TENM2: variants seen among roughly 807,000 people sequenced by gnomAD.
The protein encoded by TENM2 is teneurin transmembrane protein 2, also known as teneurin-2.
Under a neutral mutation model 245.2 loss-of-function variants are expected in TENM2, and 52 were observed. The observed-to-expected ratio is 0.21, with a 90% CI of 0.17 to 0.27. TENM2 has a LOEUF of 0.27. Among genes scored for constraint, TENM2 ranks in the 10% least tolerant of loss-of-function variants. The pLI, the probability that TENM2 is intolerant of heterozygous loss-of-function variation, is 1.00. For missense variants in TENM2, 3,046 were observed against 3,666.8 expected (o/e 0.83, Z 4.37); for synonymous variants, 1,363 against 1,438.9 (o/e 0.95, Z 1.19).
intron 9 of TENM2, among the ~76,000 whole-genome samples, chr5:168,098,546 G>A (rs1793550426): frequency 6.6e-6 from 1 of 152,122 alleles, no homozygotes; most frequent in Non-Finnish European, 1.5e-5. Context: ...TATCTTGGTG[G>A]AATCGGTTTT....
At chr5:167,561,765 C>A (rs937277886) in intron 2 of TENM2, among the ~76,000 whole-genome samples, 1 of 152,048 alleles carries the variant, frequency 6.6e-6, no homozygotes, top group East Asian at 1.9e-4. Context: ...GCAAGTGAGA[C>A]CACATTTACA....
chr5:167,692,368 A>T (rs1757488932), intron 2 of TENM2, among the ~76,000 whole-genome samples: 1 of 152,196 alleles, frequency 6.6e-6, no homozygotes, highest in Non-Finnish European at 1.5e-5. Context: ...TTTATTGGAA[A>T]CACAGTTTCC....
chr5:167,657,263 C>T (rs911062698), intron 2 of TENM2, among the ~76,000 whole-genome samples: 9 of 152,218 alleles, frequency 5.9e-5, no homozygotes, highest in Non-Finnish European at 1.0e-4. Context: ...TTATTTCACT[C>T]AAGATAATAT....
intron 1 of TENM2, among the ~76,000 whole-genome samples, chr5:167,363,981 G>C (rs1324409534): frequency 2.6e-5 from 4 of 151,944 alleles, no homozygotes; most frequent in Non-Finnish European, 5.9e-5. Flanking sequence ...CAGTGAATAT[G>C]AGTTCAAGCA....
intron 2 of TENM2, among the ~76,000 whole-genome samples, chr5:167,667,658 C>T (rs1053768314): frequency 6.6e-6 from 1 of 152,200 alleles, no homozygotes; most frequent in Non-Finnish European, 1.5e-5. Flanking sequence ...AGCAGACAAA[C>T]AGTATCTGCC....
intron 2 of TENM2, among the ~76,000 whole-genome samples, chr5:167,872,346 G>GAA (rs1189583223): frequency 5.1e-5 from 4 of 77,776 alleles, no homozygotes; most frequent in Non-Finnish European, 1.2e-4. Flanking sequence ...AAGAAAGAAA[G>GAA]AAAGAAAGGA....
In TENM2 at chr5:167,839,079, G is replaced by A. The variant is rs541028671; in HGVS notation, c.503-36907G>A. ...AAGCACACTCAATGAGTGTTGATAA[G>A]TATTGTCATTGTTATGATTAAAACT... On this transcript the variant is annotated intron_variant, in intron 2 of 28. Coordinates refer to ENST00000518659, the Ensembl canonical transcript of TENM2. Among the ~76,000 whole-genome samples, 4 of 152,312 alleles carry A rather than the reference G, an allele frequency of 2.6e-5. No homozygotes were observed. In the South Asian group the frequency reaches 6.2e-4, roughly 24 times the overall value.
the TENM2 span, among the ~76,000 whole-genome samples, chr5:167,032,181 A>G: frequency 6.6e-6 from 1 of 152,324 alleles, no homozygotes; most frequent in Admixed American, 6.5e-5. Context: ...GAATTTTATG[A>G]GCTTTCGTAG....
intron 2 of TENM2, among the ~76,000 whole-genome samples, chr5:167,875,078 A>G (rs183220602): frequency 8.9e-4 from 136 of 152,306 alleles, no homozygotes; most frequent in African/African-American, 2.8e-3. Context: ...TTAGGAAGGC[A>G]TTGGTGATGC....
At chr5:167,184,467 TG>T in the TENM2 span, among the ~76,000 whole-genome samples, 1 of 152,170 alleles carries the variant, frequency 6.6e-6, no homozygotes. Context: ...TTTTGTTTTT[TG>T]TTGGGGGGTG....
intron 27 of TENM2, among the ~76,000 whole-genome samples, chr5:168,258,362 G>T (rs879612149): frequency 1.3e-5 from 2 of 152,046 alleles, no homozygotes; most frequent in East Asian, 3.9e-4. Context: ...TTAGCCGGGT[G>T]TGGTGGCATG....
intron 5 of TENM2, among the ~76,000 whole-genome samples, chr5:168,014,386 G>A (rs1008841842): frequency 2.0e-5 from 3 of 151,994 alleles, no homozygotes; most frequent in African/African-American, 7.2e-5. Flanking sequence ...GTAAGTAAGA[G>A]GGCCAGGTCT....
chr5:167,479,406 T>G (rs1767615572), intron 2 of TENM2, among the ~76,000 whole-genome samples: 1 of 152,194 alleles, frequency 6.6e-6, no homozygotes, highest in Admixed American at 6.5e-5. Flanking sequence ...TAGAATAGAT[T>G]AAGCCTTCAA....
intron 2 of TENM2, among the ~76,000 whole-genome samples, chr5:167,745,783 G>T (rs1761516198): frequency 6.6e-6 from 1 of 152,182 alleles, no homozygotes; most frequent in African/African-American, 2.4e-5. Context: ...TTACATGATG[G>T]TTTGTAGGTT....
chr5:167,537,652 A>G (rs1437071369), intron 2 of TENM2, among the ~76,000 whole-genome samples: 1 of 152,220 alleles, frequency 6.6e-6, no homozygotes, highest in Non-Finnish European at 1.5e-5. Flanking sequence ...CTGACTGTGA[A>G]CGAATCTGAG....
At chr5:167,298,605 AAAAC>A (rs924971247) in intron 1 of TENM2, among the ~76,000 whole-genome samples, 35 of 152,380 alleles carry the variant, frequency 2.3e-4, no homozygotes, top group African/African-American at 5.5e-4. Flanking sequence ...CCGTCTCAAA[AAAAC>A]AAACAAACAA....
chr5:167,077,436 T>G, the TENM2 span, among the ~76,000 whole-genome samples: 1 of 152,340 alleles, frequency 6.6e-6, no homozygotes, highest in African/African-American at 2.4e-5. Flanking sequence ...TTGCTCAAGT[T>G]TGTACAACTA....
the TENM2 span, among the ~76,000 whole-genome samples, chr5:167,106,018 G>GT: frequency 1.1e-3 from 160 of 146,164 alleles, 4 homozygotes; most frequent in African/African-American, 2.7e-3. Context: ...AATCGACAGA[G>GT]TTTTTTTTTC....
intron 13 of TENM2, among the ~76,000 whole-genome samples, chr5:168,169,469 G>A (rs147953010): frequency 7.6e-4 from 115 of 152,260 alleles, no homozygotes; most frequent in Non-Finnish European, 1.5e-3. Flanking sequence ...TCTAAATGAG[G>A]AGAAATAACA....
Sources: allele counts gnomAD v4.1 joint callset (sites outside exome capture counted in the v4.1 genomes callset), GRCh38; gene constraint gnomAD v4.1.1; transcripts MANE v1.5; gene names NCBI Gene and HGNC (gene_info 2026-07-23, HGNC 2026-07-21).